Variants in SLC22A23 observed in about 807,000 individuals in gnomAD.
SLC22A23 encodes ion transporter protein.
Under a neutral mutation model 61.0 loss-of-function variants are expected in SLC22A23, and 26 were observed. The ratio of observed to expected loss-of-function variants is 0.43; its 90% CI spans 0.31 to 0.59. SLC22A23 has a LOEUF of 0.59. Among genes scored for constraint, SLC22A23 ranks in the 20% least tolerant of loss-of-function variants. The pLI, the probability that SLC22A23 is intolerant of heterozygous loss-of-function variation, is 0.11. For synonymous variants in SLC22A23, 430 were observed against 413.9 expected, an observed-to-expected ratio of 1.04 and a Z score of -0.47; for missense variants, 796 against 934.7, an observed-to-expected ratio of 0.85 and a Z score of 1.94.
intron 1 of SLC22A23, among the ~76,000 whole-genome samples, chr6:3,452,007 C>T (rs7758775): frequency 1.3e-5 from 2 of 152,126 alleles, no homozygotes; most frequent in Non-Finnish European, 2.9e-5. Flanking sequence ...TTCCGTAAGT[C>T]ACACGAGATA....
At chr6:3,284,998 C>T in intron 8 of SLC22A23, 81 bp downstream of exon 8, 1 of 1,569,720 alleles carries the variant, frequency 6.4e-7, no homozygotes, top group South Asian at 1.2e-5. Flanking sequence ...ATGGAAACCA[C>T]AGGTCCGTGA....
At chr6:3,300,168 GC>G (rs1318444286) in intron 4 of SLC22A23, among the ~76,000 whole-genome samples, 1 of 151,974 alleles carries the variant, frequency 6.6e-6, no homozygotes, top group East Asian at 1.9e-4. Flanking sequence ...GTACCACCAT[GC>G]TTGGCTAATT....
In SLC22A23 at chr6:3,309,140, A is replaced by G. The variant is rs1265273892; in HGVS notation, c.1083-10922T>C. Among the ~76,000 whole-genome samples, 1 of 151,248 alleles carries G rather than the reference A, an allele frequency of 6.6e-6. No individual in the cohort carries two copies. Among genetic ancestry groups the G allele is most frequent in the Non-Finnish European group, 1.5e-5 (1 of 67,820 alleles). On this transcript the variant is annotated intron_variant, in intron 4 of 9. Coordinates refer to ENST00000406686, the MANE Select transcript of SLC22A23 (RefSeq NM_015482.2). This position sits in a 1 kb window ranked among gnomAD's most constrained non-coding sequence, Gnocchi z 4.7. ...CATGGTGAAACCCCCATCTCTACTAAAAACGCAAAAATTAGCCAAGCATGG... is the reference window on the plus strand; with the variant it reads ...CATGGTGAAACCCCCATCTCTACTAGAAACGCAAAAATTAGCCAAGCATGG...
rs1127473 is a variant in SLC22A23, at chr6:3,270,344, C to T, written c.*2711G>A. 13,760 of 152,482 alleles carry T rather than the reference C, an allele frequency of 0.09. 726 individuals are homozygous for T. Among genetic ancestry groups the T allele is most frequent in the Middle Eastern group, 0.17 (51 of 298 alleles). 9.4% of individuals were successfully genotyped at this position (152,482 alleles called of 1,614,324 possible). ...CTGCTGAGCCCGGCGGGCCCAGATG[C>T]GTATCAGGCTTGGGTGGGTCCTGCC... On this transcript the variant is annotated 3_prime_UTR_variant, in exon 10 of 10. Transcript: ENST00000406686.
intron 3 of SLC22A23, among the ~76,000 whole-genome samples, chr6:3,378,439 GCTA>G (rs1561937991): frequency 6.6e-6 from 1 of 152,168 alleles, no homozygotes; most frequent in Non-Finnish European, 1.5e-5. Flanking sequence ...TGCTGCTGTT[GCTA>G]CTGAGGCAAC....
intron 5 of SLC22A23, chr6:3,291,483 T>C (rs1263611941): frequency 6.6e-6 from 1 of 152,228 alleles, no homozygotes; most frequent in Admixed American, 6.5e-5. Flanking sequence ...GGAGCTCATG[T>C]CTACTGAGTT....
rs1255159610 is a variant in SLC22A23 at position 3,298,470 on chromosome 6, T to TA, written c.1083-253dup. On this transcript the variant is annotated intron_variant, in intron 4 of 9. Transcript: ENST00000406686. ...ATGTTCTCACCCACGTATGGAAGCT[T>TA]AAAAAAAAAGTGATCTCATAGAAGT... Among the ~76,000 whole-genome samples, 429 of 149,724 alleles carry TA rather than the reference T, an allele frequency of 2.9e-3. 7 individuals carry two copies. The highest frequency in any genetic ancestry group is 0.01 in the African/African-American group (415 of 40,674).
intron 3 of SLC22A23, among the ~76,000 whole-genome samples, chr6:3,335,621 C>T (rs1275800923): frequency 6.6e-6 from 1 of 152,210 alleles, no homozygotes; most frequent in African/African-American, 2.4e-5. Context: ...GCATGCCCTG[C>T]TGCATGCACA....
At chr6:3,281,330 G>A (rs555138879) in intron 9 of SLC22A23, among the ~76,000 whole-genome samples, 1 of 152,350 alleles carries the variant, frequency 6.6e-6, no homozygotes, top group East Asian at 1.9e-4. Flanking sequence ...TTCTGTCAAC[G>A]CGAGGTCTGA....
intron 3 of SLC22A23, among the ~76,000 whole-genome samples, chr6:3,334,726 G>A (rs147272158): frequency 0.01 from 1,540 of 152,324 alleles, 30 homozygotes; most frequent in South Asian, 0.064. Flanking sequence ...CACATCGCCC[G>A]GTGCTTGCCC....
At chr6:3,412,574 T>C (rs555025740) in intron 2 of SLC22A23, among the ~76,000 whole-genome samples, 2 of 152,352 alleles carry the variant, frequency 1.3e-5, no homozygotes, top group African/African-American at 4.8e-5. Flanking sequence ...TTGTCCGTAA[T>C]GCAGAGGACT....
intron 1 of SLC22A23, chr6:3,432,378 T>G (rs1325576368): frequency 1.0e-6 from 1 of 985,402 alleles, no homozygotes; most frequent in Non-Finnish European, 1.2e-6. Context: ...TTCCCCGAAT[T>G]CTGAAATTGC....
chr6:3,327,260 G>A lies in SLC22A23; in HGVS notation c.914-3258C>T, dbSNP rs1409571678. Among the ~76,000 whole-genome samples, 1 of 152,258 alleles carries A rather than the reference G, an allele frequency of 6.6e-6. No individual in the cohort carries two copies. The highest frequency in any genetic ancestry group is 1.9e-4 in the East Asian group (1 of 5,202). On this transcript the variant is annotated intron_variant, in intron 3 of 9. Coordinates refer to ENST00000406686, the MANE Select transcript of SLC22A23 (RefSeq NM_015482.2). This position sits in a 1 kb window ranked among gnomAD's most constrained non-coding sequence, Gnocchi z 4.1. ...TGCCCCTTCAGGGCCTGGCTACTGT[G>A]GAGAGTAGATCACTCACAGGCAGGT...
In SLC22A23 at chr6:3,450,833, G is replaced by A. The variant is rs9378368; in HGVS notation, c.654+5073C>T. ...ATATGATAACTAGGATCATGGAATTGTGGGCTATTTTTAAAAGTGTTACTG... is the reference window on the plus strand; with the variant it reads ...ATATGATAACTAGGATCATGGAATTATGGGCTATTTTTAAAAGTGTTACTG... On this transcript the variant is annotated intron_variant, in intron 1 of 9. Coordinates refer to ENST00000406686, the MANE Select transcript of SLC22A23 (RefSeq NM_015482.2). 9.8e-5 allele frequency among the ~76,000 whole-genome samples: 15 copies of A among 152,316 alleles called. No individual in the cohort carries two copies. The East Asian group carries it at 2.7e-3, about 27-fold the overall frequency.
intron 5 of SLC22A23, among the ~76,000 whole-genome samples, chr6:3,294,021 G>A (rs898787090): frequency 4.6e-5 from 7 of 152,154 alleles, no homozygotes; most frequent in East Asian, 1.9e-4. Context: ...CACCCTGCAC[G>A]TGGCTCCCCA....
At chr6:3,412,570 G>A (rs112091776) in intron 2 of SLC22A23, among the ~76,000 whole-genome samples, 9 of 152,342 alleles carry the variant, frequency 5.9e-5, no homozygotes, top group South Asian at 2.1e-4. Flanking sequence ...GTCCTTGTCC[G>A]TAATGCAGAG....
rs1337721954 is a variant in SLC22A23 at position 3,390,653 on chromosome 6, A to G, written c.913+19535T>C. Among the ~76,000 whole-genome samples, 1 of 152,172 alleles carries G rather than the reference A, an allele frequency of 6.6e-6. No individual in the cohort carries two copies. Among genetic ancestry groups the G allele is most frequent in the Non-Finnish European group, 1.5e-5 (1 of 68,026 alleles). The stretch of plus-strand genomic sequence containing the variant: ...ACTGGGGCCACTATGGTTCTATTTC[A>G]CTATGGATCAGTTCAATGCACCAAA... On this transcript the variant is annotated intron_variant, in intron 3 of 9. Coordinates refer to ENST00000406686, the MANE Select transcript of SLC22A23 (RefSeq NM_015482.2). This position sits in a 1 kb window ranked among gnomAD's most constrained non-coding sequence, Gnocchi z 4.0.
chr6:3,348,646 A>G (rs1764585697), intron 3 of SLC22A23, among the ~76,000 whole-genome samples: 1 of 151,618 alleles, frequency 6.6e-6, no homozygotes, highest in Admixed American at 6.6e-5. Context: ...GCCCTTCCCA[A>G]CTCCTAGGAC....
Position 3,346,110 on chromosome 6 carries a change from T to C in SLC22A23, c.914-22108A>G, listed in dbSNP as rs937072331. On this transcript the variant is annotated intron_variant, in intron 3 of 9. Transcript: ENST00000406686. ...TGATTCAGCCTGGTGCCAGTGAAAC[T>C]TTTCCTGCCTTGAACTGCTCAAAGC... is the stretch of plus-strand genomic sequence containing the variant. Among the ~76,000 whole-genome samples the C allele has an allele frequency of 3.9e-5, 6 of 152,260 alleles. No individual in the cohort carries two copies. The East Asian group carries it at 7.7e-4, about 20-fold the overall frequency.
Sources: allele counts gnomAD v4.1 joint callset (sites outside exome capture counted in the v4.1 genomes callset), GRCh38; gene constraint gnomAD v4.1.1; non-coding constraint Gnocchi (gnomAD v3.1); transcripts MANE v1.5; gene names NCBI Gene and HGNC (gene_info 2026-07-23, HGNC 2026-07-21).